The following C2orf69 variants were observed in gnomAD, a reference collection of about 807,000 sequenced individuals.
The protein encoded by C2orf69 is chromosome 2 open reading frame 69.
A neutral mutation model predicts 29.5 loss-of-function variants in C2orf69; 19 were observed. That is an observed-to-expected ratio of 0.65 (90% confidence interval 0.45 to 0.95). The LOEUF (loss-of-function observed/expected upper bound fraction) is 0.95, where lower values mean the gene tolerates loss of function less well. C2orf69 is among the 40% of genes least tolerant of loss of function. The probability of loss-of-function intolerance (pLI) is 0.00; values close to 1 mark genes in which losing one functional copy is unlikely to be tolerated. For missense variants in C2orf69, 416 were observed against 482.1 expected, an observed-to-expected ratio of 0.86 and a Z score of 1.28; for synonymous variants, 194 against 180.0, an observed-to-expected ratio of 1.08 and a Z score of -0.62.
At chr2:199,920,750 A>G (rs958932373) in intron 1 of C2orf69, among the ~76,000 whole-genome samples, 3 of 151,564 alleles carry the variant, frequency 2.0e-5, no homozygotes, top group African/African-American at 7.3e-5. Flanking sequence ...AGGTCAGGAG[A>G]TGGAGACCAT....
intron 1 of C2orf69, among the ~76,000 whole-genome samples, chr2:199,915,881 A>G (rs891471182): frequency 6.6e-6 from 1 of 152,086 alleles, no homozygotes; most frequent in African/African-American, 2.4e-5. Context: ...CTGGTTTTTC[A>G]TATGATTTTA....
intron 1 of C2orf69, among the ~76,000 whole-genome samples, chr2:199,912,693 TGCAGTGGC>T (rs1001504386): frequency 1.3e-5 from 2 of 152,024 alleles, no homozygotes; most frequent in Non-Finnish European, 2.9e-5. Context: ...CAGGCTGGAG[TGCAGTGGC>T]GCAGTCTCGA....
chr2:199,919,126 A>G (rs538477276), intron 1 of C2orf69, among the ~76,000 whole-genome samples: 1 of 152,124 alleles, frequency 6.6e-6, no homozygotes, highest in East Asian at 1.9e-4. Flanking sequence ...CTAATTTTTA[A>G]AATTTTTCGT....
At chr2:199,919,466 C>T (rs2077305778) in intron 1 of C2orf69, among the ~76,000 whole-genome samples, 1 of 152,184 alleles carries the variant, frequency 6.6e-6, no homozygotes, top group South Asian at 2.1e-4. Flanking sequence ...TATCAGGCAG[C>T]TCTCTTAGGC....
chr2:199,926,703 G>A lies in C2orf69; in HGVS notation c.*817G>A, dbSNP rs1247021041. Reference sequence around the variant, plus strand: ...ACTATTGTTTAATTTTTAATTGTCAGTTTATCATTATTTTGGGTAAGACAT... The same window carrying A: ...ACTATTGTTTAATTTTTAATTGTCAATTTATCATTATTTTGGGTAAGACAT... On this transcript the variant is annotated 3_prime_UTR_variant, in exon 2 of 2. Transcript: ENST00000319974. 1 of 152,544 alleles carries A rather than the reference G, an allele frequency of 6.6e-6. No homozygotes were observed. Among genetic ancestry groups the A allele is most frequent in the Non-Finnish European group, 1.5e-5 (1 of 68,024 alleles). 9.4% of individuals were successfully genotyped at this position (152,544 alleles called of 1,614,324 possible). A position where few individuals can be genotyped will look rare whatever the true frequency, so the allele number is the denominator to read the frequency against.
In C2orf69 at chr2:199,916,752, C is replaced by A. The variant is rs533254391; in HGVS notation, c.333+4981C>A. On this transcript the variant is annotated intron_variant, in intron 1 of 1. Transcript: ENST00000319974. ...GTCTCATATCTAGGTCACACTGATG[C>A]AAGAGGTGGACTCCTGTGGCTTTGC... Among the ~76,000 whole-genome samples the A allele has an allele frequency of 2.6e-5, 4 of 152,318 alleles. No individual in the cohort carries two copies. The South Asian group carries it at 8.3e-4, about 32-fold the overall frequency.
At chr2:199,919,819 C>T (rs977675833) in intron 1 of C2orf69, among the ~76,000 whole-genome samples, 1 of 152,230 alleles carries the variant, frequency 6.6e-6, no homozygotes, top group Non-Finnish European at 1.5e-5. Context: ...CGGACACATT[C>T]AAACCGTAGC....
chr2:199,920,081 C>T (rs1415662794), intron 1 of C2orf69, among the ~76,000 whole-genome samples: 5 of 152,170 alleles, frequency 3.3e-5, no homozygotes, highest in Non-Finnish European at 7.3e-5. Context: ...TCACCCCTTA[C>T]CTCTTATGGG....
rs370430093 is a variant in C2orf69, at chr2:199,922,031, T to TTATA, written c.334-3011_334-3008dup. On this transcript the variant is annotated intron_variant, in intron 1 of 1. Coordinates refer to ENST00000319974, the MANE Select transcript of C2orf69 (RefSeq NM_153689.6). ...TTCCCCAAGGCTGCCACTGTTATTT[T>TTATA]TATATATATATATATATATATATGC... is the stretch of plus-strand genomic sequence containing the variant. Among the ~76,000 whole-genome samples the TTATA allele has an allele frequency of 3.0e-3, 235 of 78,958 alleles. 38 individuals are homozygous for TTATA. The highest frequency in any genetic ancestry group is 0.026 in the East Asian group (55 of 2,094). The allele number at this position is 78,958 out of a possible 152,430, so 51.8% of individuals were successfully genotyped here.
At chr2:199,919,902 CAT>C (rs1346857627) in intron 1 of C2orf69, among the ~76,000 whole-genome samples, 5 of 152,172 alleles carry the variant, frequency 3.3e-5, no homozygotes, top group African/African-American at 4.8e-5. Flanking sequence ...CTTAGAGACA[CAT>C]GTCAAGATTT....
chr2:199,926,698 T>G lies in C2orf69; in HGVS notation c.*812T>G, dbSNP rs913648450. The G allele has an allele frequency of 6.6e-6, 1 of 152,618 alleles. No homozygotes were observed. Among genetic ancestry groups the G allele is most frequent in the Non-Finnish European group, 1.5e-5 (1 of 68,026 alleles). 9.5% of individuals were successfully genotyped at this position (152,618 alleles called of 1,614,324 possible). On this transcript the variant is annotated 3_prime_UTR_variant, in exon 2 of 2. Transcript: ENST00000319974. ...TAAGCACTATTGTTTAATTTTTAATTGTCAGTTTATCATTATTTTGGGTAA... is the reference window on the plus strand; with the variant it reads ...TAAGCACTATTGTTTAATTTTTAATGGTCAGTTTATCATTATTTTGGGTAA...
rs1456658377 is a variant in C2orf69, at chr2:199,911,620, C to T, written c.182C>T (p.Pro61Leu). Residue 61 changes from proline (P) to leucine (L), a missense_variant, in exon 1 of 2, where the codon CCT becomes CTT. Transcript: ENST00000319974. ...RRQCLQLSTVPGADPQRSNEL... is the reference protein window; with the variant it reads ...RRQCLQLSTVLGADPQRSNEL... ...CAGTGCCTGCAGCTTTCCACCGTGCCTGGAGCCGATCCGCAGCGCAGCAAC... is the reference window on the plus strand; with the variant it reads ...CAGTGCCTGCAGCTTTCCACCGTGCTTGGAGCCGATCCGCAGCGCAGCAAC... The T allele has an allele frequency of 3.9e-6, 6 of 1,549,634 alleles. No individual in the cohort carries two copies. The highest frequency in any genetic ancestry group is 2.4e-5 in the East Asian group (1 of 40,884).
At chr2:199,919,946 C>T (rs1027670402) in intron 1 of C2orf69, among the ~76,000 whole-genome samples, 1 of 152,158 alleles carries the variant, frequency 6.6e-6, no homozygotes, top group Non-Finnish European at 1.5e-5. Context: ...ACTTCAATAG[C>T]AGTTTGGAGT....
Position 199,911,571 on chromosome 2 carries a change from C to G in C2orf69, c.133C>G (p.Leu45Val). The G allele has an allele frequency of 6.5e-7, 1 of 1,549,750 alleles. No individual in the cohort carries two copies. Among genetic ancestry groups the G allele is most frequent in the East Asian group, 2.4e-5 (1 of 40,900 alleles). Residue 45 changes from leucine (L) to valine (V), a missense_variant, in exon 1 of 2, where the codon CTC becomes GTC. By Grantham distance (32) the Leu-to-Val change is conservative (BLOSUM62 1). Coordinates refer to ENST00000319974, the MANE Select transcript of C2orf69 (RefSeq NM_153689.6). ...CGGCAGCGGCGGCGCGCGATGCTCC[C>G]TCTCGGCCGAGGTGCGCCGCCGTCA... ...PGGSGGARCS[L>V]SAEVRRRQCL...
At position 199,911,446 on chromosome 2, in the gene C2orf69, G is replaced by C. The variant is rs1270912693; in HGVS notation, c.8G>C (p.Gly3Ala). The change falls in exon 1 of 2, where the codon GGG (glycine) becomes GCG (alanine). Residue 3 changes from glycine to alanine, a missense_variant. Coordinates refer to ENST00000319974, the MANE Select transcript of C2orf69 (RefSeq NM_153689.6). ...CTCTCGCGGCGGCGACCCATGTGGG[G>C]GTTCAGGCTCCTGCGGTCGCCGCCG... MW[G>A]FRLLRSPPLL... The C allele has an allele frequency of 8.5e-6, 13 of 1,537,570 alleles. No individual in the cohort carries two copies. The highest frequency in any genetic ancestry group is 2.4e-5 in the South Asian group (2 of 82,996).
intron 1 of C2orf69, among the ~76,000 whole-genome samples, chr2:199,922,568 CGAA>C (rs1283557437): frequency 1.3e-5 from 2 of 152,020 alleles, no homozygotes; most frequent in African/African-American, 2.4e-5. Context: ...ATAAATTTCT[CGAA>C]GAATTACTAA....
intron 1 of C2orf69, among the ~76,000 whole-genome samples, chr2:199,920,849 G>T (rs73066802): frequency 0.066 from 9,654 of 146,738 alleles, 659 homozygotes; most frequent in Admixed American, 0.22. Context: ...CCAGCTACTC[G>T]GGAGGCTGAG....
chr2:199,913,430 T>C (rs1574779036), intron 1 of C2orf69, among the ~76,000 whole-genome samples: 1 of 26,800 alleles, frequency 3.7e-5, no homozygotes, highest in Admixed American at 3.7e-4. Context: ...TTATATAAAA[T>C]ATATATTATA....
At position 199,911,332 on chromosome 2, in the gene C2orf69, C is replaced by T. The variant is rs936498628; in HGVS notation, c.-107C>T. On this transcript the variant is annotated 5_prime_UTR_variant, in exon 1 of 2. Coordinates refer to ENST00000319974, the MANE Select transcript of C2orf69 (RefSeq NM_153689.6). ...CCTCAGCGCCGGCTCCCGGCCGGGC[C>T]GCGGCCGCCGACCGTTGAGCCGCCG... is the stretch of plus-strand genomic sequence containing the variant. 4 of 1,310,724 alleles carry T rather than the reference C, an allele frequency of 3.1e-6. No individual in the cohort carries two copies. Among genetic ancestry groups the T allele is most frequent in the South Asian group, 3.7e-5 (2 of 54,400 alleles). The allele number at this position is 1,310,724 out of a possible 1,614,324, so 81.2% of individuals were successfully genotyped here. A position where few individuals can be genotyped will look rare whatever the true frequency, so the allele number is the denominator to read the frequency against.
Sources: gnomAD v4.1 joint callset for allele counts (sites outside exome capture counted in the v4.1 genomes callset) on GRCh38, gnomAD v4.1.1 for gene constraint, MANE v1.5 for transcripts, NCBI Gene and HGNC (gene_info 2026-07-23, HGNC 2026-07-21) for gene names.